Variants in SDK1 observed in about 807,000 individuals in gnomAD.
SDK1 encodes the protein sidekick cell adhesion molecule 1.
A neutral mutation model predicts 245.5 loss-of-function variants in SDK1; 157 were observed. The observed-to-expected ratio is 0.64, with a 90% CI of 0.56 to 0.73. The LOEUF (loss-of-function observed/expected upper bound fraction) is 0.73, where lower values mean the gene tolerates loss of function less well. Ranked by LOEUF, SDK1 falls within the 30% of genes least tolerant of loss-of-function variation. SDK1 has a pLI of 0.00. For synonymous variants in SDK1, 1,647 were observed against 1,278.5 expected, an observed-to-expected ratio of 1.29 and a Z score of -6.15; for missense variants, 3,583 against 3,002.3, an observed-to-expected ratio of 1.19 and a Z score of -4.52.
At chr7:3,695,440 T>A (rs1349852789) in intron 4 of SDK1, among the ~76,000 whole-genome samples, 2 of 152,256 alleles carry the variant, frequency 1.3e-5, no homozygotes, top group African/African-American at 4.8e-5. Context: ...ATGTCTTCTC[T>A]TTCTCTTACA....
At chr7:4,153,268 A>G (rs1325809718) in intron 30 of SDK1, among the ~76,000 whole-genome samples, 1 of 150,026 alleles carries the variant, frequency 6.7e-6, no homozygotes, top group Non-Finnish European at 1.5e-5. Context: ...CGTATAATGT[A>G]ATTTTTTAAA....
At chr7:4,129,796 G>A (rs1784671316) in intron 26 of SDK1, 112 bp from the exon 27 acceptor site, 3 of 1,542,526 alleles carry the variant, frequency 1.9e-6, no homozygotes, top group Non-Finnish European at 2.6e-6. Context: ...CATCCTCAGG[G>A]AGAAAGCACA....
intron 1 of SDK1, among the ~76,000 whole-genome samples, chr7:3,435,509 A>C (rs1278553575): frequency 1.3e-5 from 2 of 149,822 alleles, no homozygotes; most frequent in Non-Finnish European, 3.0e-5. Flanking sequence ...TATTATGATT[A>C]TGATTATGAT....
chr7:4,035,306 C>A (rs1293797451), intron 17 of SDK1, among the ~76,000 whole-genome samples: 1 of 152,060 alleles, frequency 6.6e-6, no homozygotes, highest in Non-Finnish European at 1.5e-5. Context: ...AATTTTTAAG[C>A]CTTTGGAAAA....
intron 22 of SDK1, among the ~76,000 whole-genome samples, chr7:4,101,060 A>C (rs1458758838): frequency 6.6e-6 from 1 of 152,068 alleles, no homozygotes; most frequent in African/African-American, 2.4e-5. Context: ...TGGTTGCCAG[A>C]GAGGCCGCCT....
rs142005669 is a variant in SDK1 at position 3,610,656 on chromosome 7, C to T, written c.299-8424C>T. On this transcript the variant is annotated intron_variant, in intron 1 of 44. Coordinates refer to ENST00000404826, the MANE Select transcript of SDK1 (RefSeq NM_152744.4). ...CCATCAGCTTCAATTGTGGATTAAT[C>T]TCACTGGAAGCTTGAATGGTTTCTT... 2.5e-3 allele frequency among the ~76,000 whole-genome samples: 380 copies of T among 152,336 alleles called. 2 individuals are homozygous for T. Among genetic ancestry groups the T allele is most frequent in the African/African-American group, 8.9e-3 (369 of 41,582 alleles).
chr7:3,626,821 C>T (rs1782137490), intron 2 of SDK1, among the ~76,000 whole-genome samples: 1 of 152,090 alleles, frequency 6.6e-6, no homozygotes, highest in South Asian at 2.1e-4. Flanking sequence ...AGGAAATCTC[C>T]CCCACTGAGA....
At chr7:3,784,118 C>A (rs1352109755) in intron 4 of SDK1, among the ~76,000 whole-genome samples, 2 of 150,448 alleles carry the variant, frequency 1.3e-5, no homozygotes, top group Non-Finnish European at 3.0e-5. Context: ...AAAGGGTCTC[C>A]CTATATTGCC....
At chr7:3,880,182 C>T (rs1220007096) in intron 5 of SDK1, among the ~76,000 whole-genome samples, 1 of 152,306 alleles carries the variant, frequency 6.6e-6, no homozygotes, top group Admixed American at 6.5e-5. Flanking sequence ...GAGATGGATG[C>T]GTTCTGCAAC....
At chr7:3,754,395 T>C (rs1203520905) in intron 4 of SDK1, among the ~76,000 whole-genome samples, 5 of 152,190 alleles carry the variant, frequency 3.3e-5, no homozygotes, top group Non-Finnish European at 4.4e-5. Context: ...CTTAGCAAAC[T>C]GTTACAGGTG....
intron 30 of SDK1, among the ~76,000 whole-genome samples, chr7:4,152,136 A>G (rs1780424623): frequency 6.6e-6 from 1 of 152,214 alleles, no homozygotes; most frequent in South Asian, 2.1e-4. Context: ...TGTGAGTCCA[A>G]GGTTTGCCTC....
At chr7:3,970,436 ACT>A (rs1260967941) in intron 11 of SDK1, among the ~76,000 whole-genome samples, 2 of 152,160 alleles carry the variant, frequency 1.3e-5, no homozygotes, top group Non-Finnish European at 2.9e-5. Flanking sequence ...TTGGTGGATG[ACT>A]CTGTCAGCCA....
At chr7:3,776,604 C>G (rs1204206501) in intron 4 of SDK1, among the ~76,000 whole-genome samples, 1 of 152,058 alleles carries the variant, frequency 6.6e-6, no homozygotes, top group Non-Finnish European at 1.5e-5. Flanking sequence ...ATGCAGAAAA[C>G]ATGGAGGTTA....
At chr7:4,106,748 TC>T (rs1187760815) in intron 22 of SDK1, among the ~76,000 whole-genome samples, 1 of 152,018 alleles carries the variant, frequency 6.6e-6, no homozygotes, top group Admixed American at 6.5e-5. Context: ...TGCCTTTCTC[TC>T]CCGGGCAGCC....
At chr7:3,655,501 A>ATATGTATGTATGTATGTATGTATG (rs1283673481) in intron 4 of SDK1, among the ~76,000 whole-genome samples, 2 of 52,824 alleles carry the variant, frequency 3.8e-5, no homozygotes, top group African/African-American at 1.1e-4. Context: ...ATATATATAT[A>ATATGTATGTATGTATGTATGTATG]TATGTATGTA....
chr7:4,151,118 G>A (rs975066671), intron 30 of SDK1, among the ~76,000 whole-genome samples: 2 of 152,200 alleles, frequency 1.3e-5, no homozygotes, highest in Non-Finnish European at 2.9e-5. Flanking sequence ...GCACAGCTGG[G>A]TGTCAAATGC....
chr7:4,088,438 G>T (rs1390652376), intron 22 of SDK1, among the ~76,000 whole-genome samples: 3 of 152,010 alleles, frequency 2.0e-5, no homozygotes, highest in South Asian at 2.1e-4. Flanking sequence ...AGAAATTATT[G>T]TAAGATTTTA....
chr7:4,113,930 A>G (rs1783521088), intron 24 of SDK1, 107 bp from the exon 25 acceptor site: 1 of 789,990 alleles, frequency 1.3e-6, no homozygotes, highest in Admixed American at 2.3e-5. Flanking sequence ...TCCCCCAGGA[A>G]CACCTCCTCC....
At chr7:3,928,733 C>T (rs1583577166) in intron 5 of SDK1, among the ~76,000 whole-genome samples, 1 of 152,186 alleles carries the variant, frequency 6.6e-6, no homozygotes, top group East Asian at 1.9e-4. Context: ...GGACCAGGTT[C>T]AGTACCTCAC....
Sources: allele counts gnomAD v4.1 joint callset (sites outside exome capture counted in the v4.1 genomes callset), GRCh38; gene constraint gnomAD v4.1.1; transcripts MANE v1.5; gene names NCBI Gene and HGNC (gene_info 2026-07-23, HGNC 2026-07-21).